Variants in TAX1BP1 observed in about 807,000 individuals in gnomAD.
The protein encoded by TAX1BP1 is Tax1 binding protein 1, also known as tax1-binding protein 1.
TAX1BP1 carries 62 observed loss-of-function variants against 97.7 expected under a neutral mutation model. The observed-to-expected ratio is 0.63, with a 90% CI of 0.52 to 0.78. The LOEUF (loss-of-function observed/expected upper bound fraction) is 0.78. Among genes scored for constraint, TAX1BP1 ranks in the 30% least tolerant of loss-of-function variants. The pLI is 0.00. For synonymous variants in TAX1BP1, 340 were observed against 304.2 expected (o/e 1.12, Z -1.23); for missense variants, 867 against 916.1 (o/e 0.95, Z 0.69).
At chr7:27,789,292 TTTATTC>T (rs1789608154) in intron 8 of TAX1BP1, among the ~76,000 whole-genome samples, 2 of 152,018 alleles carry the variant, frequency 1.3e-5, no homozygotes, top group African/African-American at 4.8e-5. Context: ...AATATTTGCT[TTTATTC>T]TTCTGTTTGA....
rs189041082 is a variant in TAX1BP1 at position 27,747,373 on chromosome 7, G to C, written c.-7-1145G>C. 7.2e-5 allele frequency among the ~76,000 whole-genome samples: 11 copies of C among 152,232 alleles called. No individual in the cohort carries two copies. The East Asian group carries it at 1.9e-3, about 27-fold the overall frequency. On this transcript the variant is annotated intron_variant, in intron 1 of 16. Coordinates refer to ENST00000396319, the MANE Select transcript of TAX1BP1 (RefSeq NM_006024.7). ...ACCATTCATCTGCTATCCAGTGCTT[G>C]GTGTTTACTAAGCCAGTGAGCGTTC...
At chr7:27,818,581 C>T (rs1562744195) in intron 15 of TAX1BP1, among the ~76,000 whole-genome samples, 1 of 152,016 alleles carries the variant, frequency 6.6e-6, no homozygotes, top group Non-Finnish European at 1.5e-5. Flanking sequence ...TTCAGCCTAC[C>T]CTAGTGCCTA....
intron 2 of TAX1BP1, among the ~76,000 whole-genome samples, chr7:27,754,785 G>A (rs887500792): frequency 2.1e-4 from 32 of 151,924 alleles, no homozygotes; most frequent in African/African-American, 6.8e-4. Context: ...GGGTTTCACC[G>A]TGTTAGCCAG....
At chr7:27,783,758 A>G (rs1427637361) in intron 5 of TAX1BP1, among the ~76,000 whole-genome samples, 1 of 152,228 alleles carries the variant, frequency 6.6e-6, no homozygotes, top group Non-Finnish European at 1.5e-5. Context: ...CACTGGTGGT[A>G]AAACTAAAAA....
At position 27,742,652 on chromosome 7, in the gene TAX1BP1, G is replaced by A. The variant is rs144459330; in HGVS notation, c.-8+2383G>A. Among the ~76,000 whole-genome samples, 190 of 152,248 alleles carry A rather than the reference G, an allele frequency of 1.2e-3. 2 individuals are homozygous for A. The Middle Eastern group carries it at 0.024, about 19-fold the overall frequency. On this transcript the variant is annotated intron_variant, in intron 1 of 16. Transcript: ENST00000396319. ...CCGGCAAATTTTTGTATTTTTAGTAGAGACGAGGTTTCTCCATGTTGGTCA... is the reference window on the plus strand; with the variant it reads ...CCGGCAAATTTTTGTATTTTTAGTAAAGACGAGGTTTCTCCATGTTGGTCA...
chr7:27,795,946 A>G (rs1369743654), intron 11 of TAX1BP1, among the ~76,000 whole-genome samples, 170 bp from the exon 12 acceptor site: 1 of 152,222 alleles, frequency 6.6e-6, no homozygotes, highest in Non-Finnish European at 1.5e-5. Flanking sequence ...ATTCTCAACT[A>G]GAGTTTATAT....
chr7:27,805,338 T>TTA (rs772102585), intron 13 of TAX1BP1, among the ~76,000 whole-genome samples: 2 of 152,172 alleles, frequency 1.3e-5, no homozygotes, highest in Non-Finnish European at 2.9e-5. Context: ...ACTTATCTTG[T>TTA]TATATATATA....
intron 2 of TAX1BP1, among the ~76,000 whole-genome samples, chr7:27,755,544 A>G (rs879271525): frequency 6.6e-6 from 1 of 152,146 alleles, no homozygotes; most frequent in African/African-American, 2.4e-5. Context: ...CTTTCTCAGA[A>G]TTTCCTTTAT....
intron 13 of TAX1BP1, among the ~76,000 whole-genome samples, chr7:27,800,785 G>A (rs1383962691): frequency 6.6e-6 from 1 of 151,966 alleles, no homozygotes; most frequent in East Asian, 1.9e-4. Flanking sequence ...CAACAGACAA[G>A]CCCAAATGAT....
chr7:27,755,244 C>G (rs191843062), intron 2 of TAX1BP1, among the ~76,000 whole-genome samples: 132 of 152,224 alleles, frequency 8.7e-4, no homozygotes, highest in Non-Finnish European at 1.7e-3. Flanking sequence ...TCATTTGATA[C>G]TTTTTTGTGG....
intron 1 of TAX1BP1, among the ~76,000 whole-genome samples, chr7:27,747,985 A>G (rs369027437): frequency 1.3e-5 from 2 of 152,208 alleles, no homozygotes; most frequent in Admixed American, 6.5e-5. Context: ...AGGTTTAGTT[A>G]TAGGACCCCA....
chr7:27,801,434 C>A (rs371000488), intron 13 of TAX1BP1, among the ~76,000 whole-genome samples: 1 of 152,082 alleles, frequency 6.6e-6, no homozygotes, highest in African/African-American at 2.4e-5. Flanking sequence ...TTTTCAATAA[C>A]TGGAACCTTC....
intron 13 of TAX1BP1, among the ~76,000 whole-genome samples, chr7:27,805,911 G>C (rs1399951197): frequency 6.6e-6 from 1 of 152,176 alleles, no homozygotes; most frequent in African/African-American, 2.4e-5. Flanking sequence ...AGCTCTGGAA[G>C]TGATGCCCCA....
rs1789743381 is a variant in TAX1BP1, at chr7:27,792,215, T to A, written c.1248T>A (p.Ala416=). ...ADAVAELKLN[A]MKKDQDKTDT... ...CAGTGGCAGAACTTAAACTAAATGC[T>A]ATGAAAAAAGATCAGGTAAAACAAG... Residue 416 remains alanine, a synonymous_variant, in exon 9 of 17, where the codon GCT becomes GCA. Coordinates refer to ENST00000396319, the MANE Select transcript of TAX1BP1 (RefSeq NM_006024.7). The A allele has an allele frequency of 6.2e-7, 1 of 1,609,412 alleles. No individual in the cohort carries two copies.
intron 10 of TAX1BP1, 150 bp from the exon 11 acceptor site, chr7:27,794,173 T>A: frequency 1.6e-6 from 1 of 629,698 alleles, no homozygotes; most frequent in Non-Finnish European, 2.5e-6. Context: ...ATAACTTTAG[T>A]CTTTGTTGGC....
intron 5 of TAX1BP1, among the ~76,000 whole-genome samples, chr7:27,782,425 T>C (rs1789298151): frequency 6.6e-6 from 1 of 151,826 alleles, no homozygotes; most frequent in Non-Finnish European, 1.5e-5. Flanking sequence ...TTCTTTGGTA[T>C]TTTTAGTAGA....
chr7:27,826,603 A>G (rs574419441), intron 15 of TAX1BP1, among the ~76,000 whole-genome samples: 169 of 152,340 alleles, frequency 1.1e-3, no homozygotes, highest in Non-Finnish European at 1.7e-3. Flanking sequence ...AGAGATAAAA[A>G]GGAAATAGGC....
chr7:27,815,429 T>A (rs977633670), intron 13 of TAX1BP1, among the ~76,000 whole-genome samples: 4 of 152,216 alleles, frequency 2.6e-5, no homozygotes, highest in Admixed American at 1.3e-4. Flanking sequence ...TAAATTACAT[T>A]TATTGATTTT....
At chr7:27,768,935 C>T (rs1408771525) in intron 4 of TAX1BP1, among the ~76,000 whole-genome samples, 1 of 151,954 alleles carries the variant, frequency 6.6e-6, no homozygotes, top group Non-Finnish European at 1.5e-5. Context: ...TAAGTCTTCC[C>T]TGTGAGTCTT....
Sources: gnomAD v4.1 joint callset for allele counts (sites outside exome capture counted in the v4.1 genomes callset) on GRCh38, gnomAD v4.1.1 for gene constraint, MANE v1.5 for transcripts, NCBI Gene and HGNC (gene_info 2026-07-23, HGNC 2026-07-21) for gene names.